Variants in MCMBP observed in about 807,000 individuals in gnomAD.
The protein encoded by MCMBP is mini-chromosome maintenance complex-binding protein.
A neutral mutation model predicts 81.3 loss-of-function variants in MCMBP; 31 were observed. The ratio of observed to expected loss-of-function variants is 0.38; its 90% CI spans 0.29 to 0.51. The LOEUF is 0.51. MCMBP is among the 20% of genes least tolerant of loss of function. MCMBP has a pLI of 0.87. For missense variants in MCMBP, 645 were observed against 772.1 expected (o/e 0.84, Z 1.95); for synonymous variants, 267 against 275.9 (o/e 0.97, Z 0.32).
At chr10:119,855,539 G>A (rs182545594) in intron 5 of MCMBP, among the ~76,000 whole-genome samples, 2 of 152,236 alleles carry the variant, frequency 1.3e-5, no homozygotes, top group African/African-American at 4.8e-5. Flanking sequence ...GGGCATGGTG[G>A]CAGGCACCTG....
intron 14 of MCMBP, among the ~76,000 whole-genome samples, chr10:119,833,009 C>T (rs1475462324): frequency 3.9e-5 from 6 of 152,132 alleles, no homozygotes; most frequent in African/African-American, 9.7e-5. Flanking sequence ...AGGCTCTGTG[C>T]GAGCAGGAAA....
intron 8 of MCMBP, among the ~76,000 whole-genome samples, chr10:119,845,434 A>G (rs1315588000): frequency 6.6e-6 from 1 of 152,220 alleles, no homozygotes; most frequent in Non-Finnish European, 1.5e-5. Flanking sequence ...TAAAAAGTGT[A>G]AGAGTATATA....
intron 1 of MCMBP, 130 bp from the exon 2 acceptor site, chr10:119,860,014 T>C: frequency 3.9e-4 from 215 of 555,256 alleles, no homozygotes; most frequent in Middle Eastern, 5.1e-4. Flanking sequence ...ATAGAATGAA[T>C]TTTTAGATAG....
At chr10:119,841,810 G>A (rs1589780829) in intron 10 of MCMBP, among the ~76,000 whole-genome samples, 2 of 152,362 alleles carry the variant, frequency 1.3e-5, no homozygotes, top group African/African-American at 2.4e-5. Flanking sequence ...CAATGTCCAC[G>A]TTAAACGTGC....
intron 1 of MCMBP, among the ~76,000 whole-genome samples, chr10:119,863,268 T>C (rs549049005): frequency 6.6e-6 from 1 of 152,276 alleles, no homozygotes; most frequent in South Asian, 2.1e-4. Flanking sequence ...CTAAAAGTTT[T>C]ATAGTTTCAG....
At chr10:119,866,052 A>G (rs1853437894) in intron 1 of MCMBP, among the ~76,000 whole-genome samples, 1 of 151,770 alleles carries the variant, frequency 6.6e-6, no homozygotes, top group Admixed American at 6.6e-5. Context: ...CTTGCCACAC[A>G]GCATTCCAGC....
chr10:119,832,158 C>A, intron 14 of MCMBP, 58 bp from the exon 15 acceptor site: 3 of 1,504,600 alleles, frequency 2.0e-6, no homozygotes, highest in Non-Finnish European at 9.1e-7. Flanking sequence ...AGAAAATTAA[C>A]ATGGTTCCTT....
At chr10:119,857,103 A>G (rs1012063112) in intron 5 of MCMBP, among the ~76,000 whole-genome samples, 12 of 151,628 alleles carry the variant, frequency 7.9e-5, no homozygotes, top group Non-Finnish European at 1.6e-4. Flanking sequence ...ATCTCAAAAA[A>G]AAAAAAAAAA....
chr10:119,846,210 G>A lies in MCMBP; in HGVS notation c.827+1403C>T, dbSNP rs73355881. Among the ~76,000 whole-genome samples, 1,022 of 152,134 alleles carry A rather than the reference G, an allele frequency of 6.7e-3. 10 individuals are homozygous for A. The highest frequency in any genetic ancestry group is 0.024 in the African/African-American group (978 of 41,498). On this transcript the variant is annotated intron_variant, in intron 8 of 15. Transcript: ENST00000369077. Reference sequence around the variant, plus strand: ...TAACATCATCTCAAAAAAAGGACCCGGCACCTGCTTAAAGTGGCTCCCACT... The same window carrying A: ...TAACATCATCTCAAAAAAAGGACCCAGCACCTGCTTAAAGTGGCTCCCACT...
intron 9 of MCMBP, 100 bp from the exon 10 acceptor site, chr10:119,842,695 G>C: frequency 7.7e-7 from 1 of 1,304,206 alleles, no homozygotes; most frequent in South Asian, 1.5e-5. Flanking sequence ...CAATTCAGTC[G>C]ACAGTAGGTA....
In MCMBP at chr10:119,872,677, C is replaced by G; in HGVS notation, c.-93G>C. On this transcript the variant is annotated 5_prime_UTR_variant, in exon 1 of 16. Transcript: ENST00000369077. ...CCGGCGCCCAGCTCCTCTTCAGCGG[C>G]TCGGCCGCTCCTCGCCCGCGTTCGC... The G allele has an allele frequency of 9.9e-6, 6 of 605,212 alleles. No individual in the cohort carries two copies. Among genetic ancestry groups the G allele is most frequent in the Non-Finnish European group, 1.3e-5 (6 of 454,060 alleles). 37.5% of individuals were successfully genotyped at this position (605,212 alleles called of 1,614,324 possible). A position where few individuals can be genotyped will look rare whatever the true frequency, so the allele number is the denominator to read the frequency against.
chr10:119,843,543 A>G, intron 8 of MCMBP, 117 bp from the exon 9 acceptor site: 1 of 953,856 alleles, frequency 1.0e-6, no homozygotes, highest in Admixed American at 2.6e-5. Context: ...CCACCTGTAC[A>G]TCTCCTTAAA....
chr10:119,845,300 TA>T (rs1852578551), intron 8 of MCMBP, among the ~76,000 whole-genome samples: 1 of 152,168 alleles, frequency 6.6e-6, no homozygotes, highest in Non-Finnish European at 1.5e-5. Flanking sequence ...TAATGTCCGG[TA>T]TTCAACAAGA....
chr10:119,849,013 T>G (rs918619636), intron 7 of MCMBP, among the ~76,000 whole-genome samples: 1 of 152,162 alleles, frequency 6.6e-6, no homozygotes, highest in Non-Finnish European at 1.5e-5. Flanking sequence ...GGGGGGATTA[T>G]CCTCGATTAA....
rs1373411882 is a variant in MCMBP, at chr10:119,830,857, A to G, written c.*617T>C. Reference sequence around the variant, plus strand: ...ATATTACTACCGGTCCATAAAATACAAAAGTCTGGGAACCACTGCCATGTA... The same window carrying G: ...ATATTACTACCGGTCCATAAAATACGAAAGTCTGGGAACCACTGCCATGTA... On this transcript the variant is annotated 3_prime_UTR_variant, in exon 16 of 16. Transcript: ENST00000369077. The G allele has an allele frequency of 1.3e-5, 2 of 152,698 alleles. No homozygotes were observed. Among genetic ancestry groups the G allele is most frequent in the Non-Finnish European group, 2.9e-5 (2 of 68,068 alleles). 9.5% of individuals were successfully genotyped at this position (152,698 alleles called of 1,614,324 possible).
In MCMBP at chr10:119,852,152, CAAAAAAAA is replaced by C. The variant is rs34142128; in HGVS notation, c.574+890_574+897del. 3.4e-4 allele frequency among the ~76,000 whole-genome samples: 18 copies of C among 53,090 alleles called. 1 individual carries two copies. Among genetic ancestry groups the C allele is most frequent in the East Asian group, 9.1e-4 (1 of 1,094 alleles). The allele number at this position is 53,090 out of a possible 152,430, so 34.8% of individuals were successfully genotyped here. On this transcript the variant is annotated intron_variant, in intron 6 of 15. Coordinates refer to ENST00000369077, the MANE Select transcript of MCMBP (RefSeq NM_001256378.2). ...CTGCAACAAGAGCGAAACTCTGTCT[CAAAAAAAA>C]AAAAAAAAAAAAAAAAAAAAGCCTT...
At position 119,853,188 on chromosome 10, in the gene MCMBP, C is replaced by T. The variant is rs1852894419; in HGVS notation, c.436G>A (p.Val146Ile). 1 of 1,612,954 alleles carries T rather than the reference C, an allele frequency of 6.2e-7. No individual in the cohort carries two copies. The highest frequency in any genetic ancestry group is 8.5e-7 in the Non-Finnish European group (1 of 1,179,350). ...CTGACTCGAGCTTGGTTTGCATTAA[C>T]ATAGGCGTTAAACGAAAAGTTAAGA... ...GESTWVKEAY[V>I]NANQARVSPS... The change falls in exon 6 of 16, where the codon GTT becomes ATT. Residue 146 changes from valine to isoleucine, a missense_variant. Physicochemically the swap from Val to Ile is conservative, Grantham distance 29 (BLOSUM62 3). Transcript: ENST00000369077.
intron 5 of MCMBP, among the ~76,000 whole-genome samples, chr10:119,854,475 G>C (rs1375949965): frequency 6.6e-6 from 1 of 151,358 alleles, no homozygotes; most frequent in Non-Finnish European, 1.5e-5. Context: ...GGCTGAGGCG[G>C]GTAGATCACT....
At chr10:119,846,494 A>G (rs144086045) in intron 8 of MCMBP, among the ~76,000 whole-genome samples, 31 of 152,328 alleles carry the variant, frequency 2.0e-4, no homozygotes, top group African/African-American at 7.5e-4. Flanking sequence ...GAAACTGGAT[A>G]TTTATGTCCC....
Sources: gnomAD v4.1 joint callset for allele counts (sites outside exome capture counted in the v4.1 genomes callset) on GRCh38, gnomAD v4.1.1 for gene constraint, MANE v1.5 for transcripts, NCBI Gene and HGNC (gene_info 2026-07-23, HGNC 2026-07-21) for gene names.